The following ERCC8 variants were observed in gnomAD, a reference collection of about 807,000 sequenced individuals.
ERCC8 encodes DNA excision repair protein ERCC-8.
ERCC8 carries 52 observed loss-of-function variants against 54.9 expected under a neutral mutation model. The ratio of observed to expected loss-of-function variants is 0.95; its 90% CI spans 0.76 to 1.19. The LOEUF (loss-of-function observed/expected upper bound fraction) is 1.19, where lower values mean the gene tolerates loss of function less well. Ranked by LOEUF, ERCC8 falls within the 50% of genes most tolerant of loss-of-function variation. The pLI is 0.00. For synonymous variants in ERCC8, 146 were observed against 157.2 expected, an observed-to-expected ratio of 0.93 and a Z score of 0.53; for missense variants, 514 against 466.1, an observed-to-expected ratio of 1.10 and a Z score of -0.95.
At chr5:60,932,796 AG>A (rs1218230666) in intron 1 of ERCC8, among the ~76,000 whole-genome samples, 1 of 152,158 alleles carries the variant, frequency 6.6e-6, no homozygotes, top group East Asian at 1.9e-4. Flanking sequence ...ACAATGGCAT[AG>A]GAGTAGAGGG....
chr5:60,891,655 G>A (rs1312110248), intron 9 of ERCC8, among the ~76,000 whole-genome samples: 1 of 129,370 alleles, frequency 7.7e-6, no homozygotes, highest in East Asian at 2.0e-4. Flanking sequence ...TTTTGGGGGG[G>A]CATATTCTTT....
intron 1 of ERCC8, among the ~76,000 whole-genome samples, chr5:60,936,821 G>A (rs953801615): frequency 6.6e-5 from 10 of 152,146 alleles, no homozygotes; most frequent in Non-Finnish European, 1.5e-4. Context: ...CCCCTAAGGT[G>A]TGTGATCCTT....
chr5:60,884,245 C>T (rs537786343), intron 11 of ERCC8, among the ~76,000 whole-genome samples: 5 of 151,916 alleles, frequency 3.3e-5, no homozygotes, highest in East Asian at 1.9e-4. Flanking sequence ...TTTGGGAGGC[C>T]GAGGCGGGTG....
intron 11 of ERCC8, among the ~76,000 whole-genome samples, chr5:60,882,653 C>A (rs1387586662): frequency 6.6e-6 from 1 of 152,250 alleles, no homozygotes; most frequent in Non-Finnish European, 1.5e-5. Flanking sequence ...TCCCAAAGTG[C>A]TGGGATTACA....
chr5:60,922,594 G>C (rs1187890672), intron 2 of ERCC8, among the ~76,000 whole-genome samples: 1 of 152,034 alleles, frequency 6.6e-6, no homozygotes, highest in Non-Finnish European at 1.5e-5. Context: ...TTGTAAAGGA[G>C]GGGGACATTT....
At chr5:60,906,255 C>G (rs1229255740) in intron 4 of ERCC8, among the ~76,000 whole-genome samples, 3 of 151,820 alleles carry the variant, frequency 2.0e-5, no homozygotes. Flanking sequence ...AGGCTGGTCT[C>G]GAACTCCTGA....
chr5:60,891,293 T>C (rs1010924101), intron 9 of ERCC8, among the ~76,000 whole-genome samples: 8 of 152,078 alleles, frequency 5.3e-5, no homozygotes, highest in Admixed American at 2.6e-4. Context: ...ACCACAGGGG[T>C]AAATGTTTAC....
At chr5:60,921,812 T>A (rs1335740555) in intron 3 of ERCC8, among the ~76,000 whole-genome samples, 1 of 151,864 alleles carries the variant, frequency 6.6e-6, no homozygotes, top group African/African-American at 2.4e-5. Flanking sequence ...ACAAGTTTTT[T>A]AAAAATAAAA....
At chr5:60,885,914 A>G (rs1748378015) in intron 11 of ERCC8, among the ~76,000 whole-genome samples, 1 of 152,182 alleles carries the variant, frequency 6.6e-6, no homozygotes, top group South Asian at 2.1e-4. Flanking sequence ...TATATGAAAA[A>G]TGTTTTTTGA....
intron 11 of ERCC8, among the ~76,000 whole-genome samples, chr5:60,878,505 C>T (rs1397957150): frequency 6.6e-6 from 1 of 152,114 alleles, no homozygotes; most frequent in South Asian, 2.1e-4. Flanking sequence ...TGGTCCTGGA[C>T]TTTTTTTGGT....
chr5:60,928,880 G>A lies in ERCC8; in HGVS notation c.157C>T (p.Pro53Ser). The change falls in exon 2 of 12, where the codon CCT (proline) becomes TCT (serine). Residue 53 changes from proline to serine, a missense_variant. Physicochemically the swap from Pro to Ser is moderately conservative, Grantham distance 74 (BLOSUM62 -1). Coordinates refer to ENST00000676185, the MANE Select transcript of ERCC8 (RefSeq NM_000082.4). ...TAAACTTACTATCTCCCTTCAACAG[G>A]TTCAATGTCAAGGGTGTTAATTCCA... ...GGGINTLDIE[P>S]VEGRYMLSGG... The A allele has an allele frequency of 6.3e-7, 1 of 1,595,466 alleles. No individual in the cohort carries two copies. Among genetic ancestry groups the A allele is most frequent in the Non-Finnish European group, 8.6e-7 (1 of 1,164,398 alleles).
At chr5:60,941,326 GA>G (rs1241394925) in intron 1 of ERCC8, among the ~76,000 whole-genome samples, 1 of 152,012 alleles carries the variant, frequency 6.6e-6, no homozygotes, top group Admixed American at 6.5e-5. Context: ...GATGGCAGAG[GA>G]AAAAATCTGT....
chr5:60,879,805 T>C (rs1748145670), intron 11 of ERCC8, among the ~76,000 whole-genome samples: 1 of 152,262 alleles, frequency 6.6e-6, no homozygotes, highest in Non-Finnish European at 1.5e-5. Flanking sequence ...CTGATGGGTC[T>C]TGACTCTTTA....
At chr5:60,898,085 G>A (rs961429206) in intron 9 of ERCC8, among the ~76,000 whole-genome samples, 191 bp downstream of exon 9, 1 of 152,186 alleles carries the variant, frequency 6.6e-6, no homozygotes, top group Non-Finnish European at 1.5e-5. Flanking sequence ...TAAGTAGGGA[G>A]AATGTGGTAG....
At chr5:60,895,003 T>C (rs375562475) in intron 9 of ERCC8, among the ~76,000 whole-genome samples, 5 of 152,128 alleles carry the variant, frequency 3.3e-5, no homozygotes, top group African/African-American at 1.2e-4. Context: ...ATCCCATCTC[T>C]GCAAAAAACA....
At chr5:60,896,499 C>T (rs1257582232) in intron 9 of ERCC8, among the ~76,000 whole-genome samples, 3 of 152,054 alleles carry the variant, frequency 2.0e-5, no homozygotes, top group African/African-American at 4.8e-5. Context: ...TGTGAGCGAC[C>T]GTGCCTGGCC....
intron 11 of ERCC8, among the ~76,000 whole-genome samples, chr5:60,883,764 G>A (rs989503794): frequency 6.6e-6 from 1 of 152,166 alleles, no homozygotes; most frequent in Non-Finnish European, 1.5e-5. Context: ...CTGCCCTATA[G>A]ATCTCAGGCA....
chr5:60,921,137 T>C (rs766040320), intron 3 of ERCC8, among the ~76,000 whole-genome samples: 2 of 151,976 alleles, frequency 1.3e-5, no homozygotes, highest in Admixed American at 6.6e-5. Flanking sequence ...CCACAGGGCA[T>C]GTATACTGAT....
intron 11 of ERCC8, among the ~76,000 whole-genome samples, chr5:60,882,912 C>T (rs1309148810): frequency 6.6e-6 from 1 of 151,936 alleles, no homozygotes; most frequent in Non-Finnish European, 1.5e-5. Flanking sequence ...CTCTTCCCTA[C>T]TCTGTCTCTA....
Sources: gnomAD v4.1 joint callset for allele counts (sites outside exome capture counted in the v4.1 genomes callset) on GRCh38, gnomAD v4.1.1 for gene constraint, MANE v1.5 for transcripts, NCBI Gene and HGNC (gene_info 2026-07-23, HGNC 2026-07-21) for gene names.